Variants in SLCO3A1 observed in about 807,000 individuals in gnomAD.
SLCO3A1 encodes the protein solute carrier organic anion transporter family member 3A1, also known as PGE1 transporter.
Under a neutral mutation model 63.1 loss-of-function variants are expected in SLCO3A1, and 27 were observed. That is an observed-to-expected ratio of 0.43 (90% CI 0.32 to 0.59). The LOEUF (loss-of-function observed/expected upper bound fraction) is 0.59, where lower values mean the gene tolerates loss of function less well. Ranked by LOEUF, SLCO3A1 falls within the 20% of genes least tolerant of loss-of-function variation. The pLI is 0.09. For synonymous variants in SLCO3A1, 473 were observed against 409.9 expected (o/e 1.15, Z -1.86); for missense variants, 773 against 945.8 (o/e 0.82, Z 2.40).
intron 2 of SLCO3A1, among the ~76,000 whole-genome samples, chr15:91,992,093 CAGTTTA>C (rs1346560860): frequency 6.6e-6 from 1 of 151,754 alleles, no homozygotes; most frequent in Non-Finnish European, 1.5e-5. Flanking sequence ...CAGGAGTTCA[CAGTTTA>C]AGTTCTAATC....
At chr15:91,890,824 GA>G (rs1259547280) in intron 1 of SLCO3A1, among the ~76,000 whole-genome samples, 1 of 152,236 alleles carries the variant, frequency 6.6e-6, no homozygotes, top group Non-Finnish European at 1.5e-5. Flanking sequence ...CTGCTGGTGT[GA>G]CTCACTGATG....
intron 2 of SLCO3A1, among the ~76,000 whole-genome samples, chr15:92,076,626 C>G (rs1308589460): frequency 6.6e-6 from 1 of 152,218 alleles, no homozygotes; most frequent in East Asian, 1.9e-4. Context: ...TGCTGAGCCT[C>G]ACTCTGGTGC....
At chr15:92,060,175 G>T (rs1379866141) in intron 2 of SLCO3A1, among the ~76,000 whole-genome samples, 2 of 152,170 alleles carry the variant, frequency 1.3e-5, no homozygotes, top group Non-Finnish European at 2.9e-5. Flanking sequence ...AGTGAGTGGT[G>T]AGTGAATGTG....
intron 9 of SLCO3A1, among the ~76,000 whole-genome samples, chr15:92,159,710 G>T (rs2048414180): frequency 6.6e-6 from 1 of 151,668 alleles, no homozygotes; most frequent in Non-Finnish European, 1.5e-5. Context: ...CTTTCAAATT[G>T]TTGTTTAGAG....
intron 2 of SLCO3A1, among the ~76,000 whole-genome samples, chr15:92,048,965 A>T (rs1267709088): frequency 6.6e-6 from 1 of 152,200 alleles, no homozygotes; most frequent in Non-Finnish European, 1.5e-5. Flanking sequence ...AACTCCATGA[A>T]ATGATTGGCT....
intron 8 of SLCO3A1, among the ~76,000 whole-genome samples, chr15:92,148,586 A>C (rs1442210078): frequency 6.6e-6 from 1 of 152,216 alleles, no homozygotes; most frequent in Non-Finnish European, 1.5e-5. Flanking sequence ...ACAAAATCAC[A>C]AATTGCTGGT....
intron 1 of SLCO3A1, among the ~76,000 whole-genome samples, chr15:91,892,290 C>T (rs940914415): frequency 2.0e-5 from 3 of 152,216 alleles, no homozygotes; most frequent in Non-Finnish European, 2.9e-5. Context: ...CTACCTTCCT[C>T]ATTCATGGGA....
chr15:92,063,804 C>T (rs1241388078), intron 2 of SLCO3A1, among the ~76,000 whole-genome samples: 1 of 152,076 alleles, frequency 6.6e-6, no homozygotes, highest in African/African-American at 2.4e-5. Context: ...GAGCCAAGAT[C>T]GCACCACCGC....
chr15:91,957,116 A>AATATATAGTATATATAAT (rs1567037730), intron 2 of SLCO3A1, among the ~76,000 whole-genome samples: 5 of 11,880 alleles, frequency 4.2e-4, no homozygotes, highest in African/African-American at 3.8e-3. Flanking sequence ...ATATATATAT[A>AATATATAGTATATATAAT]ATATATATAA....
intron 2 of SLCO3A1, among the ~76,000 whole-genome samples, chr15:92,016,254 T>TAGATA: frequency 3.5e-3 from 333 of 95,704 alleles, no homozygotes; most frequent in South Asian, 4.0e-3. Context: ...GATAGATAGA[T>TAGATA]TAGATAGATA....
chr15:92,126,402 T>C (rs540829749), intron 6 of SLCO3A1, 143 bp downstream of exon 6: 3 of 663,400 alleles, frequency 4.5e-6, no homozygotes, highest in Admixed American at 2.4e-5. Flanking sequence ...ACTGTCCACG[T>C]TGGAGAATCA....
At chr15:92,016,229 ATAGATAGATAGATAGATAGATAGAT>A (rs1398932873) in intron 2 of SLCO3A1, among the ~76,000 whole-genome samples, 3,785 of 79,126 alleles carry the variant, frequency 0.048, 83 homozygotes, top group East Asian at 0.14. Context: ...AGATAGATAG[ATAGATAGATAGATAGATAGATAGAT>A]TAGATAGATA....
chr15:92,120,618 A>G lies in SLCO3A1; in HGVS notation c.1163A>G (p.Asn388Ser). The G allele has an allele frequency of 6.2e-7, 1 of 1,607,410 alleles. No homozygotes were observed. Among genetic ancestry groups the G allele is most frequent in the Non-Finnish European group, 8.5e-7 (1 of 1,176,428 alleles). ...QQFNLTTSSA[N>S]QLLGMTAIPC... Reference sequence around the variant, plus strand: ...TTTAACCTCACCACCTCTTCTGCCAACCAGCTGCTTGGTGAGTGTGTCCTC... The same window carrying G: ...TTTAACCTCACCACCTCTTCTGCCAGCCAGCTGCTTGGTGAGTGTGTCCTC... Residue 388 changes from asparagine to serine, a missense_variant, in exon 5 of 10, where the codon AAC (asparagine) becomes AGC (serine). Asn to Ser is a conservative substitution (Grantham distance 46). Around this residue, in one of 3 missense-constraint regions of SLCO3A1, gnomAD observed 565 missense variants for 749.8 expected, o/e 0.75. Transcript: ENST00000318445.
intron 1 of SLCO3A1, among the ~76,000 whole-genome samples, chr15:91,867,478 A>C (rs1897193428): frequency 6.6e-6 from 1 of 152,124 alleles, no homozygotes; most frequent in Non-Finnish European, 1.5e-5. Context: ...AAGATGAGCT[A>C]ACATTAGGAA....
At chr15:92,010,196 A>G (rs2046354338) in intron 2 of SLCO3A1, among the ~76,000 whole-genome samples, 2 of 152,250 alleles carry the variant, frequency 1.3e-5, no homozygotes, top group South Asian at 4.1e-4. Flanking sequence ...GCTAGACTGC[A>G]GAGTAGATAC....
chr15:91,994,523 G>A (rs1201797217), intron 2 of SLCO3A1, among the ~76,000 whole-genome samples: 6 of 152,172 alleles, frequency 3.9e-5, no homozygotes, highest in Admixed American at 1.3e-4. Context: ...CAGCTACGTT[G>A]TGTTGTCCTT....
At chr15:92,031,856 T>TTACG (rs1555425918) in intron 2 of SLCO3A1, among the ~76,000 whole-genome samples, 1 of 48,192 alleles carries the variant, frequency 2.1e-5, no homozygotes, top group East Asian at 1.1e-3. Context: ...AAATTACTGT[T>TTACG]GTAGTTGCCT....
At chr15:92,027,519 T>C (rs2046590137) in intron 2 of SLCO3A1, among the ~76,000 whole-genome samples, 1 of 152,232 alleles carries the variant, frequency 6.6e-6, no homozygotes, top group African/African-American at 2.4e-5. Context: ...AGTCTCATCC[T>C]GGTTTCTCTG....
intron 2 of SLCO3A1, among the ~76,000 whole-genome samples, chr15:91,928,112 G>T (rs1053333427): frequency 2.8e-4 from 42 of 152,340 alleles, no homozygotes; most frequent in African/African-American, 8.9e-4. Context: ...TATCAGCCTT[G>T]TTACTGGTTG....
Sources: allele counts gnomAD v4.1 joint callset (sites outside exome capture counted in the v4.1 genomes callset), GRCh38; gene constraint gnomAD v4.1.1; regional missense constraint gnomAD v4.1.1; transcripts MANE v1.5; gene names NCBI Gene and HGNC (gene_info 2026-07-23, HGNC 2026-07-21).